Variants in MAML3 observed in about 807,000 individuals in gnomAD.
MAML3 encodes mastermind like transcriptional coactivator 3.
A neutral mutation model predicts 101.9 loss-of-function variants in MAML3; 27 were observed. That is an observed-to-expected ratio of 0.27 (90% CI 0.20 to 0.37). The LOEUF (loss-of-function observed/expected upper bound fraction) is 0.37, where lower values mean the gene tolerates loss of function less well. Among genes scored for constraint, MAML3 ranks in the 10% least tolerant of loss-of-function variants. MAML3 has a pLI of 1.00. For missense variants in MAML3, 1,316 were observed against 1,444.9 expected (o/e 0.91, Z 1.45); for synonymous variants, 501 against 555.9 (o/e 0.90, Z 1.39).
chr4:140,108,662 G>GT (rs1463612911), intron 1 of MAML3, among the ~76,000 whole-genome samples: 4 of 150,854 alleles, frequency 2.7e-5, no homozygotes, highest in African/African-American at 9.8e-5. Context: ...AGCATTTAGT[G>GT]TATGTTCAAT....
chr4:140,092,461 T>A (rs1728076480), intron 1 of MAML3, among the ~76,000 whole-genome samples: 1 of 152,144 alleles, frequency 6.6e-6, no homozygotes, highest in Middle Eastern at 3.4e-3. Flanking sequence ...GAAGCCCTCC[T>A]CCAATTAATG....
rs528344821 is a variant in MAML3 at position 139,785,911 on chromosome 4, C to T, written c.2080-55244G>A. On this transcript the variant is annotated intron_variant, in intron 2 of 4. Coordinates refer to ENST00000509479, the MANE Select transcript of MAML3 (RefSeq NM_018717.5). This position sits in a 1 kb window ranked among gnomAD's most constrained non-coding sequence, Gnocchi z 4.3. ...AATTAAATCTTGAATTTTAAGTTCC[C>T]GATGGTAAAATGGGGGTGTTATGGA... Among the ~76,000 whole-genome samples the T allele has an allele frequency of 9.9e-5, 15 of 152,036 alleles. 1 individual carries two copies. In the East Asian group the frequency reaches 2.1e-3, roughly 22 times the overall value.
chr4:139,725,829 G>C lies in MAML3; in HGVS notation c.2338C>G (p.Gln780Glu), dbSNP rs768461519. The stretch of plus-strand genomic sequence containing the variant: ...TGCTGCCGGGGTAGATGTGATTGCT[G>C]CAACTGCTAGAACAACAGAACACAA... ...QQQILAEQQL[Q>E]QSHLPRQHLQ... Residue 780 changes from glutamine (Q) to glutamate (E), a missense_variant, in exon 4 of 5, where the codon CAG (glutamine) becomes GAG (glutamate). Transcript: ENST00000509479. 1.9e-6 allele frequency: 3 copies of C among 1,613,662 alleles called. No individual in the cohort carries two copies. Among genetic ancestry groups the C allele is most frequent in the Non-Finnish European group, 2.5e-6 (3 of 1,179,752 alleles).
At chr4:139,865,492 T>TTTG (rs1403083302) in intron 2 of MAML3, among the ~76,000 whole-genome samples, 4,602 of 106,880 alleles carry the variant, frequency 0.043, 274 homozygotes, top group African/African-American at 0.22. Context: ...AAGGTTTTTT[T>TTTG]TTTGTTTTTT....
At chr4:139,983,245 G>T (rs922268738) in intron 1 of MAML3, among the ~76,000 whole-genome samples, 1 of 152,150 alleles carries the variant, frequency 6.6e-6, no homozygotes. Context: ...ACATCCCTGT[G>T]CTTCGCCTAT....
chr4:139,977,823 AGATCTTGCCACTG>A, intron 1 of MAML3, among the ~76,000 whole-genome samples: 1 of 152,244 alleles, frequency 6.6e-6, no homozygotes, highest in South Asian at 2.1e-4. Flanking sequence ...CAGTGAGCCA[AGATCTTGCCACTG>A]CACTCCAGCC....
intron 1 of MAML3, among the ~76,000 whole-genome samples, chr4:140,136,951 T>C (rs1260076227): frequency 6.6e-6 from 1 of 152,268 alleles, no homozygotes; most frequent in African/African-American, 2.4e-5. Context: ...TTTGAATTTC[T>C]CCATTTAAAA....
Position 139,801,633 on chromosome 4 carries a change from GGTGTGTGTGGGTGT to G in MAML3, c.2080-70980_2080-70967del, listed in dbSNP as rs1234674362. On this transcript the variant is annotated intron_variant, in intron 2 of 4. Transcript: ENST00000509479. ...CCTAATTTGAAAAGAGCAGGAACAG[GGTGTGTGTGGGTGT>G]GTGTGTGTGTGTGTGTGTGTGTGTG... 3.2e-3 allele frequency among the ~76,000 whole-genome samples: 467 copies of G among 146,510 alleles called. 4 individuals carry two copies. The highest frequency in any genetic ancestry group is 0.011 in the African/African-American group (449 of 39,060).
intron 2 of MAML3, among the ~76,000 whole-genome samples, chr4:139,742,179 C>T (rs1193623481): frequency 7.2e-4 from 106 of 147,332 alleles, no homozygotes; most frequent in Non-Finnish European, 1.3e-4. Flanking sequence ...GAGAGAGTCT[C>T]GCTCTGTCAG....
chr4:139,776,506 G>A (rs1350670672), intron 2 of MAML3, among the ~76,000 whole-genome samples: 1 of 152,158 alleles, frequency 6.6e-6, no homozygotes, highest in Admixed American at 6.5e-5. Flanking sequence ...AAAGCTCCCG[G>A]CAGCTTTAGG....
At position 139,732,290 on chromosome 4, in the gene MAML3, T is replaced by G. The variant is rs1728755266; in HGVS notation, c.2080-1623A>C. Among the ~76,000 whole-genome samples the G allele has an allele frequency of 2.0e-5, 3 of 152,226 alleles. No homozygotes were observed. In the South Asian group the frequency reaches 6.2e-4, roughly 32 times the overall value. Reference sequence around the variant, plus strand: ...CTCTCCTAGAGAGACCGTCCTGGATTTGATTCCCTATGGCTTGGGCTTGTG... The same window carrying G: ...CTCTCCTAGAGAGACCGTCCTGGATGTGATTCCCTATGGCTTGGGCTTGTG... On this transcript the variant is annotated intron_variant, in intron 2 of 4. Coordinates refer to ENST00000509479, the MANE Select transcript of MAML3 (RefSeq NM_018717.5).
chr4:140,076,402 G>T (rs775454639), intron 1 of MAML3, among the ~76,000 whole-genome samples: 12 of 152,104 alleles, frequency 7.9e-5, no homozygotes, highest in Admixed American at 2.0e-4. Flanking sequence ...CAAACTTCCT[G>T]GCTGGTGGAG....
In MAML3 at chr4:139,769,550, G is replaced by A. The variant is rs150214056; in HGVS notation, c.2080-38883C>T. Among the ~76,000 whole-genome samples, 206 of 152,116 alleles carry A rather than the reference G, an allele frequency of 1.4e-3. 2 individuals are homozygous for A. The highest frequency in any genetic ancestry group is 2.4e-3 in the Non-Finnish European group (160 of 68,000). ...GTACAGTCACCAGGAAAATCTACATGTAAATATGACACTTATGAACCGGCA... is the reference window on the plus strand; with the variant it reads ...GTACAGTCACCAGGAAAATCTACATATAAATATGACACTTATGAACCGGCA... On this transcript the variant is annotated intron_variant, in intron 2 of 4. Coordinates refer to ENST00000509479, the MANE Select transcript of MAML3 (RefSeq NM_018717.5).
intron 2 of MAML3, among the ~76,000 whole-genome samples, chr4:139,859,084 A>C (rs1731718047): frequency 6.6e-6 from 1 of 152,114 alleles, no homozygotes; most frequent in Admixed American, 6.5e-5. Flanking sequence ...AGTCATTAAA[A>C]CCACACTCAA....
intron 1 of MAML3, among the ~76,000 whole-genome samples, chr4:140,031,391 AT>A (rs1168062499): frequency 6.6e-6 from 1 of 152,090 alleles, no homozygotes; most frequent in Non-Finnish European, 1.5e-5. Context: ...GGACTAAGTA[AT>A]TTTTTCTTAT....
chr4:139,761,386 G>C (rs6536444), intron 2 of MAML3, among the ~76,000 whole-genome samples: 12,862 of 152,176 alleles, frequency 0.085, 724 homozygotes, highest in African/African-American at 0.16. Context: ...AGAGAGTCTG[G>C]AGGGGGCGTT....
At chr4:139,761,011 T>G (rs1578587816) in intron 2 of MAML3, among the ~76,000 whole-genome samples, 1 of 151,878 alleles carries the variant, frequency 6.6e-6, no homozygotes, top group Non-Finnish European at 1.5e-5. Context: ...CAGGCTGGAG[T>G]ACAATGGCGC....
At chr4:140,025,617 A>G (rs1390852199) in intron 1 of MAML3, among the ~76,000 whole-genome samples, 4 of 152,162 alleles carry the variant, frequency 2.6e-5, no homozygotes, top group Non-Finnish European at 5.9e-5. Flanking sequence ...AAATAAAGGG[A>G]AGAGCATAGG....
rs556049901 is a variant in MAML3 at position 140,073,836 on chromosome 4, C to A, written c.468+79024G>T. 8.6e-5 allele frequency among the ~76,000 whole-genome samples: 13 copies of A among 151,938 alleles called. No individual in the cohort carries two copies. In the South Asian group the frequency reaches 1.9e-3, roughly 22 times the overall value. ...GGTTTGGAGCAGGGAGCAAAGTAAT[C>A]AGAAAGAGGACACGTGGCCAGGTGT... On this transcript the variant is annotated intron_variant, in intron 1 of 4. Coordinates refer to ENST00000509479, the MANE Select transcript of MAML3 (RefSeq NM_018717.5).
Sources: gnomAD v4.1 joint callset for allele counts (sites outside exome capture counted in the v4.1 genomes callset) on GRCh38, gnomAD v4.1.1 for gene constraint, Gnocchi (gnomAD v3.1) non-coding constraint, MANE v1.5 for transcripts, NCBI Gene and HGNC (gene_info 2026-07-23, HGNC 2026-07-21) for gene names.